PRAC2: variants seen among roughly 807,000 people sequenced by gnomAD.
PRAC2 encodes protein PRAC2.
For missense variants in PRAC2, 92 were observed against 114.5 expected (o/e 0.80, Z 0.90); for synonymous variants, 43 against 49.5 (o/e 0.87, Z 0.55).
At chr17:48,719,235 ACACACACACG>A (rs1174971325), upstream of PRAC2, among the ~76,000 whole-genome samples, 2 of 151,808 alleles carry the variant, frequency 1.3e-5, no homozygotes, top group African/African-American at 2.4e-5. Context: ...ACACACACAC[ACACACACACG>A]CACACGCAGC....
At chr17:48,722,352 A>G (rs766533722), upstream of PRAC2, 15 of 1,614,082 alleles carry the variant, frequency 9.3e-6, no homozygotes, top group Non-Finnish European at 1.3e-5. Flanking sequence ...GGAGGTAGTA[A>G]GATGGGCCGG....
chr17:48,723,459 A>AG (rs934505699), intron 1 of PRAC2, 146 bp downstream of exon 1: 1 of 369,368 alleles, frequency 2.7e-6, no homozygotes, highest in Non-Finnish European at 4.8e-6. Context: ...ACTTTAATGA[A>AG]GGGGGGGAGG....
At chr17:48,722,215 G>A, upstream of PRAC2, 1 of 1,002,016 alleles carries the variant, frequency 1.0e-6, no homozygotes. Context: ...CAAAACTTCT[G>A]AAGGCTCCCA....
upstream of PRAC2, among the ~76,000 whole-genome samples, chr17:48,719,212 A>AC (rs2038121894): frequency 2.5e-4 from 35 of 141,144 alleles, no homozygotes; most frequent in African/African-American, 8.3e-4. Flanking sequence ...CTCGCACACA[A>AC]ACACACACAC....
At chr17:48,720,636 C>G (rs2038136191), upstream of PRAC2, among the ~76,000 whole-genome samples, 2 of 152,176 alleles carry the variant, frequency 1.3e-5, no homozygotes, top group Admixed American at 1.3e-4. Context: ...AGCATATTTC[C>G]AACTCTTTCC....
upstream of PRAC2, among the ~76,000 whole-genome samples, chr17:48,719,854 G>C (rs981027667): frequency 1.3e-5 from 2 of 152,140 alleles, no homozygotes; most frequent in African/African-American, 2.4e-5. Context: ...CGCGAGGCCC[G>C]GTTTCTCGCG....
At chr17:48,721,058 G>A (rs898839103), upstream of PRAC2, among the ~76,000 whole-genome samples, 3 of 152,188 alleles carry the variant, frequency 2.0e-5, no homozygotes, top group Admixed American at 2.0e-4. Context: ...CAGGGAAGGA[G>A]CCAGCTGTGG....
In PRAC2 at chr17:48,724,354, A is replaced by G. The variant is rs1046942638; in HGVS notation, c.-57A>G. 3.6e-5 allele frequency: 45 copies of G among 1,234,014 alleles called. No homozygotes were observed. Among genetic ancestry groups the G allele is most frequent in the African/African-American group, 1.2e-4 (8 of 64,460 alleles). 76.4% of individuals were successfully genotyped at this position (1,234,014 alleles called of 1,614,324 possible). A position where few individuals can be genotyped will look rare whatever the true frequency, so the allele number is the denominator to read the frequency against. On this transcript the variant is annotated 5_prime_UTR_variant, in exon 2 of 2. Coordinates refer to ENST00000422730, the MANE Select transcript of PRAC2 (RefSeq NM_001282275.2). ...TTCCATACAAGTAAATCCGAAAAAA[A>G]GTGTGTGTGGGGGGGTCCACACCAC...
chr17:48,722,451 G>A (rs1040568191), upstream of PRAC2: 5 of 1,457,650 alleles, frequency 3.4e-6, no homozygotes, highest in Non-Finnish European at 3.9e-6. Context: ...TTGCAAGCAA[G>A]CATCGGCCTA....
Position 48,724,462 on chromosome 17 carries a change from T to C in PRAC2, c.52T>C (p.Phe18Leu). ...LRPGSRRPTAFFFHSRWLVPN... is the reference protein window; with the variant it reads ...LRPGSRRPTALFFHSRWLVPN... ...GCCTGGCTCCCGCAGACCGACCGCC[T>C]TCTTCTTCCATTCGAGATGGCTCGT... Residue 18 changes from phenylalanine (F) to leucine (L), a missense_variant, in exon 2 of 2, where the codon TTC (phenylalanine) becomes CTC (leucine). Physicochemically the swap from Phe to Leu is conservative, Grantham distance 22. Coordinates refer to ENST00000422730, the MANE Select transcript of PRAC2 (RefSeq NM_001282275.2). 1 of 1,233,788 alleles carries C rather than the reference T, an allele frequency of 8.1e-7. No homozygotes were observed. Among genetic ancestry groups the C allele is most frequent in the Non-Finnish European group, 1.0e-6 (1 of 988,068 alleles). The allele number at this position is 1,233,788 out of a possible 1,614,324, so 76.4% of individuals were successfully genotyped here.
chr17:48,723,794 C>G, intron 1 of PRAC2: 1 of 1,228,698 alleles, frequency 8.1e-7, no homozygotes, highest in Non-Finnish European at 1.0e-6. Context: ...CATTGCGCCA[C>G]TACTCCCTTA....
At chr17:48,721,991 C>G (rs1265795167), upstream of PRAC2, 1 of 1,329,640 alleles carries the variant, frequency 7.5e-7, no homozygotes, top group East Asian at 2.6e-5. Context: ...CCATTGGAGA[C>G]AAACATTAAG....
chr17:48,722,026 T>C (rs150771665), upstream of PRAC2: 1,388 of 1,102,512 alleles, frequency 1.3e-3, 25 homozygotes, highest in East Asian at 0.031. Context: ...TTACAGCGGG[T>C]GCTAGTTCCC....
chr17:48,718,910 C>G (rs2038119537), upstream of PRAC2, among the ~76,000 whole-genome samples: 1 of 152,172 alleles, frequency 6.6e-6, no homozygotes, highest in Non-Finnish European at 1.5e-5. Context: ...GGACCTGACT[C>G]CCTGCGGTGT....
chr17:48,722,358 G>A (rs201787181), upstream of PRAC2: 12 of 1,614,226 alleles, frequency 7.4e-6, no homozygotes, highest in Admixed American at 8.3e-5. Flanking sequence ...AGTAAGATGG[G>A]CCGGTCCTTG....
chr17:48,720,060 G>A (rs1009344723), upstream of PRAC2, among the ~76,000 whole-genome samples: 1 of 152,238 alleles, frequency 6.6e-6, no homozygotes, highest in Non-Finnish European at 1.5e-5. Flanking sequence ...GGGGCGACGG[G>A]CTGGGCCCAC....
At chr17:48,724,197 G>A in intron 1 of PRAC2, 131 bp from the exon 2 acceptor site, 1 of 440,072 alleles carries the variant, frequency 2.3e-6, no homozygotes, top group Non-Finnish European at 3.8e-6. Context: ...TGTAGATTTT[G>A]TTGTGATTTA....
chr17:48,721,795 C>T (rs1018888489), upstream of PRAC2: 7 of 1,536,444 alleles, frequency 4.6e-6, no homozygotes, highest in East Asian at 1.7e-4. Flanking sequence ...TCTGGAACTC[C>T]TGTGCTCAAG....
chr17:48,722,274 T>G (rs757521578), upstream of PRAC2: 112 of 1,524,526 alleles, frequency 7.3e-5, 1 homozygote, highest in East Asian at 1.5e-3. Flanking sequence ...GCTACCATAC[T>G]GAGCGATCCG....
Sources: gnomAD v4.1 joint callset for allele counts (sites outside exome capture counted in the v4.1 genomes callset) on GRCh38, gnomAD v4.1.1 for gene constraint, MANE v1.5 for transcripts, NCBI Gene and HGNC (gene_info 2026-07-23, HGNC 2026-07-21) for gene names.